The following HS3ST4 variants were observed in gnomAD, a reference collection of about 807,000 sequenced individuals.
HS3ST4 encodes the protein heparan sulfate-glucosamine 3-sulfotransferase 4.
Under a neutral mutation model 29.2 loss-of-function variants are expected in HS3ST4, and 17 were observed. The observed-to-expected ratio is 0.58, with a 90% CI of 0.40 to 0.87. The LOEUF is 0.87. Among genes scored for constraint, HS3ST4 ranks in the 40% least tolerant of loss-of-function variants. The probability of loss-of-function intolerance (pLI) is 0.00; values close to 1 mark genes in which losing one functional copy is unlikely to be tolerated. For missense variants in HS3ST4, 627 were observed against 634.5 expected, an observed-to-expected ratio of 0.99 and a Z score of 0.13; for synonymous variants, 314 against 285.7, an observed-to-expected ratio of 1.10 and a Z score of -1.00.
intron 1 of HS3ST4, among the ~76,000 whole-genome samples, chr16:25,720,391 T>A (rs899305733): frequency 6.6e-6 from 1 of 152,138 alleles, no homozygotes; most frequent in African/African-American, 2.4e-5. Flanking sequence ...AAGGTATACA[T>A]GATATGATAT....
intron 1 of HS3ST4, among the ~76,000 whole-genome samples, chr16:25,983,293 G>A (rs1969027152): frequency 6.7e-6 from 1 of 149,714 alleles, no homozygotes; most frequent in African/African-American, 2.4e-5. Context: ...TGAGGTAGAA[G>A]AGCCCCCCTT....
At position 25,739,219 on chromosome 16, in the gene HS3ST4, G is replaced by C. The variant is rs531511100; in HGVS notation, c.734+46068G>C. ...TAGCTAGGCGTGGTGGCGGGCACCT[G>C]TAATCCCAGCTACTCGGGAGGTTGA... On this transcript the variant is annotated intron_variant, in intron 1 of 1. Transcript: ENST00000331351. Among the ~76,000 whole-genome samples the C allele has an allele frequency of 5.3e-5, 8 of 152,266 alleles. No homozygotes were observed. In the East Asian group the frequency reaches 1.4e-3, roughly 26 times the overall value.
chr16:25,908,517 G>A (rs1469986178), intron 1 of HS3ST4, among the ~76,000 whole-genome samples: 2 of 152,104 alleles, frequency 1.3e-5, no homozygotes, highest in Admixed American at 6.5e-5. Flanking sequence ...TACAAACAAG[G>A]CATCTCACCC....
At chr16:25,740,692 T>G (rs922437102) in intron 1 of HS3ST4, among the ~76,000 whole-genome samples, 2 of 152,180 alleles carry the variant, frequency 1.3e-5, no homozygotes, top group African/African-American at 4.8e-5. Context: ...GTCTCACCAA[T>G]CCCAACAACC....
At chr16:25,804,857 C>T (rs1173966234) in intron 1 of HS3ST4, among the ~76,000 whole-genome samples, 1 of 152,088 alleles carries the variant, frequency 6.6e-6, no homozygotes, top group Admixed American at 6.6e-5. Context: ...GGGCTTAACC[C>T]ATTGGCTAAC....
intron 1 of HS3ST4, among the ~76,000 whole-genome samples, chr16:26,001,903 G>C (rs112693136): frequency 1.2e-4 from 19 of 152,198 alleles, no homozygotes; most frequent in African/African-American, 4.6e-4. Flanking sequence ...ATGAGGAGAA[G>C]AGAAGAAAGG....
chr16:26,058,223 G>T (rs1898432753), intron 1 of HS3ST4, among the ~76,000 whole-genome samples: 1 of 152,196 alleles, frequency 6.6e-6, no homozygotes, highest in Admixed American at 6.5e-5. Context: ...TGGAGAAAGG[G>T]GCTGAGCCAG....
At chr16:25,992,576 A>G (rs1969123938) in intron 1 of HS3ST4, among the ~76,000 whole-genome samples, 1 of 152,220 alleles carries the variant, frequency 6.6e-6, no homozygotes, top group African/African-American at 2.4e-5. Flanking sequence ...CATATTCAAA[A>G]TATACAGTCT....
intron 1 of HS3ST4, among the ~76,000 whole-genome samples, chr16:26,046,833 A>G (rs1055456016): frequency 3.9e-5 from 6 of 152,178 alleles, no homozygotes; most frequent in African/African-American, 1.2e-4. Context: ...ACCCTCTGAG[A>G]TTGGTACTGT....
At chr16:25,810,743 G>C (rs996211781) in intron 1 of HS3ST4, among the ~76,000 whole-genome samples, 9 of 152,182 alleles carry the variant, frequency 5.9e-5, no homozygotes, top group Admixed American at 5.2e-4. Context: ...AATTAAATAA[G>C]TACATAAATG....
intron 1 of HS3ST4, among the ~76,000 whole-genome samples, chr16:25,698,244 A>G (rs1384031154): frequency 6.6e-6 from 1 of 152,160 alleles, no homozygotes; most frequent in Non-Finnish European, 1.5e-5. Context: ...TATGAGTTAT[A>G]TTAAGTAGAA....
rs1898430993 is a variant in HS3ST4, at chr16:26,058,070, A to G, written c.735-77542A>G. Among the ~76,000 whole-genome samples the G allele has an allele frequency of 2.0e-5, 3 of 152,224 alleles. 1 individual carries two copies. The South Asian group carries it at 6.2e-4, about 32-fold the overall frequency. On this transcript the variant is annotated intron_variant, in intron 1 of 1. Transcript: ENST00000331351. Reference sequence around the variant, plus strand: ...TGGAGGAGTCAGATTGAATGGTGCCAATTGGGAGGCAACACAAGTTGTTGC... The same window carrying G: ...TGGAGGAGTCAGATTGAATGGTGCCGATTGGGAGGCAACACAAGTTGTTGC...
At chr16:25,777,139 C>A (rs890572518) in intron 1 of HS3ST4, among the ~76,000 whole-genome samples, 2 of 152,174 alleles carry the variant, frequency 1.3e-5, no homozygotes, top group African/African-American at 2.4e-5. Flanking sequence ...GGTAGGGGTT[C>A]TCTCTTGACT....
intron 1 of HS3ST4, among the ~76,000 whole-genome samples, chr16:26,005,511 T>A (rs1969250122): frequency 6.6e-6 from 1 of 152,134 alleles, no homozygotes; most frequent in African/African-American, 2.4e-5. Flanking sequence ...TAAACCAGGA[T>A]TTGTTTACAT....
intron 1 of HS3ST4, among the ~76,000 whole-genome samples, chr16:25,766,260 C>G (rs1966818632): frequency 6.6e-6 from 1 of 152,072 alleles, no homozygotes; most frequent in African/African-American, 2.4e-5. Flanking sequence ...GGCGTCTCCC[C>G]AATCTCCTGG....
intron 1 of HS3ST4, among the ~76,000 whole-genome samples, chr16:25,868,354 C>T (rs150790883): frequency 1.1e-4 from 17 of 152,230 alleles, no homozygotes; most frequent in African/African-American, 4.1e-4. Flanking sequence ...CCGGATGCAA[C>T]AGCAGGCATC....
At chr16:25,935,879 T>C (rs994368613) in intron 1 of HS3ST4, among the ~76,000 whole-genome samples, 15 of 152,104 alleles carry the variant, frequency 9.9e-5, no homozygotes, top group Non-Finnish European at 1.6e-4. Flanking sequence ...AAAAATAATT[T>C]CTGGGACTCA....
chr16:25,903,020 CAAA>C (rs768153842), intron 1 of HS3ST4, among the ~76,000 whole-genome samples: 4 of 120,106 alleles, frequency 3.3e-5, no homozygotes, highest in Admixed American at 1.8e-4. Flanking sequence ...GACTCTGCCT[CAAA>C]AAAAAAAAAA....
At chr16:25,992,022 A>AAAAC (rs10679569) in intron 1 of HS3ST4, among the ~76,000 whole-genome samples, 18,530 of 151,968 alleles carry the variant, frequency 0.12, 1,271 homozygotes, top group Admixed American at 0.17. Context: ...CTCCGTCTCA[A>AAAAC]AAACAAACAA....
Sources: allele counts gnomAD v4.1 joint callset (sites outside exome capture counted in the v4.1 genomes callset), GRCh38; gene constraint gnomAD v4.1.1; transcripts MANE v1.5; gene names NCBI Gene and HGNC (gene_info 2026-07-23, HGNC 2026-07-21).